KCNQ1: variants seen among roughly 807,000 people sequenced by gnomAD.
KCNQ1 encodes the protein potassium voltage-gated channel subfamily KQT member 1.
A neutral mutation model predicts 72.4 loss-of-function variants in KCNQ1; 49 were observed. The observed-to-expected ratio is 0.68, with a 90% confidence interval of 0.54 to 0.86. The LOEUF is 0.86. Ranked by LOEUF, KCNQ1 falls within the 40% of genes least tolerant of loss-of-function variation. KCNQ1 has a pLI of 0.00. For synonymous variants in KCNQ1, 450 were observed against 412.6 expected, an observed-to-expected ratio of 1.09 and a Z score of -1.10; for missense variants, 790 against 945.1, an observed-to-expected ratio of 0.84 and a Z score of 2.15.
At chr11:2,832,189 C>T (rs538184279) in intron 15 of KCNQ1, among the ~76,000 whole-genome samples, 1 of 152,336 alleles carries the variant, frequency 6.6e-6, no homozygotes, top group East Asian at 1.9e-4. Flanking sequence ...GAGGGAAGGC[C>T]TGGCCCCTCA....
intron 13 of KCNQ1, 72 bp downstream of exon 13, chr11:2,776,126 C>T (rs923406233): frequency 1.5e-5 from 20 of 1,313,728 alleles, no homozygotes; most frequent in Middle Eastern, 2.5e-4. Flanking sequence ...GCATGATCAG[C>T]GGTGCCGGAG....
rs1224278329 is a variant in KCNQ1, at chr11:2,745,235, A to G, written c.1515-23609A>G. ...CTCGAATTTGCAGGTTAAATTTGGG[A>G]AAAACTGGAGTCTCTCTCATGTTGC... is the stretch of plus-strand genomic sequence containing the variant. On this transcript the variant is annotated intron_variant, in intron 11 of 15. Coordinates refer to ENST00000155840, the MANE Select transcript of KCNQ1 (RefSeq NM_000218.3). This position sits in a 1 kb window ranked among gnomAD's most constrained non-coding sequence, Gnocchi z 6.2. 1.3e-5 allele frequency among the ~76,000 whole-genome samples: 2 copies of G among 152,180 alleles called. No individual in the cohort carries two copies. Among genetic ancestry groups the G allele is most frequent in the African/African-American group, 4.8e-5 (2 of 41,448 alleles).
rs1287609587 is a variant in KCNQ1, at chr11:2,447,226, C to T, written c.386+1742C>T. Among the ~76,000 whole-genome samples the T allele has an allele frequency of 6.6e-6, 1 of 152,134 alleles. No homozygotes were observed. The highest frequency in any genetic ancestry group is 1.5e-5 in the Non-Finnish European group (1 of 68,026). ...GGATTGTTTAGGTCTCGGAAGTTTG[C>T]TCAGCAAGAGTCTACCTTCGCCCAG... On this transcript the variant is annotated intron_variant, in intron 1 of 15. Transcript: ENST00000155840. The surrounding 1 kb of genome is among the most constrained non-coding windows in gnomAD (Gnocchi z 7.6).
chr11:2,602,746 T>C lies in KCNQ1; in HGVS notation c.1393+13892T>C, dbSNP rs1402260160. ...CTATGCAGTGAAATTCTTGTTGATA[T>C]CATTTTTCCATTTCCCAATTAGACT... is the stretch of plus-strand genomic sequence containing the variant. On this transcript the variant is annotated intron_variant, in intron 10 of 15. Transcript: ENST00000155840. The surrounding 1 kb of genome is among the most constrained non-coding windows in gnomAD (Gnocchi z 4.8). 1.3e-5 allele frequency among the ~76,000 whole-genome samples: 2 copies of C among 152,228 alleles called. No individual in the cohort carries two copies. Among genetic ancestry groups the C allele is most frequent in the African/African-American group, 4.8e-5 (2 of 41,462 alleles).
intron 10 of KCNQ1, chr11:2,637,021 CG>C (rs1849481271): frequency 6.6e-6 from 1 of 152,036 alleles, no homozygotes; most frequent in Admixed American, 6.6e-5. Flanking sequence ...TCTGTGGGAT[CG>C]GTGGTGATAT....
At chr11:2,569,426 A>G (rs1488695060) in intron 2 of KCNQ1, among the ~76,000 whole-genome samples, 2 of 152,208 alleles carry the variant, frequency 1.3e-5, no homozygotes, top group Admixed American at 6.5e-5. Context: ...TGTCCAGCTG[A>G]CTGCTCATAG....
At position 2,562,030 on chromosome 11, in the gene KCNQ1, AG is replaced by A. The variant is rs1848175610; in HGVS notation, c.478-8594del. Among the ~76,000 whole-genome samples the A allele has an allele frequency of 6.6e-6, 1 of 152,066 alleles. No homozygotes were observed. The highest frequency in any genetic ancestry group is 2.1e-4 in the South Asian group (1 of 4,824). ...ACACTAAGGGGACACTTGGCAGGGG[AG>A]GGGCTGTGGCAGGGCAGGGTCATGT... is the stretch of plus-strand genomic sequence containing the variant. On this transcript the variant is annotated intron_variant, in intron 2 of 15. Coordinates refer to ENST00000155840, the MANE Select transcript of KCNQ1 (RefSeq NM_000218.3). The surrounding 1 kb of genome is among the most constrained non-coding windows in gnomAD (Gnocchi z 7.5).
intron 11 of KCNQ1, among the ~76,000 whole-genome samples, chr11:2,705,384 G>A (rs984090688): frequency 2.0e-5 from 3 of 152,108 alleles, no homozygotes; most frequent in Non-Finnish European, 2.9e-5. Context: ...TTGATTAGCC[G>A]AACCCAACTC....
At chr11:2,689,200 C>A in intron 11 of KCNQ1, 2 of 398,826 alleles carry the variant, frequency 5.0e-6, no homozygotes, top group Non-Finnish European at 8.8e-6. Context: ...AACAGCTCAG[C>A]TTGCTGACTT....
intron 1 of KCNQ1, among the ~76,000 whole-genome samples, chr11:2,470,873 T>G (rs1460620192): frequency 1.3e-5 from 2 of 152,172 alleles, no homozygotes; most frequent in Non-Finnish European, 2.9e-5. Flanking sequence ...ACTTGTTCCC[T>G]TATGGATTGT....
chr11:2,661,851 A>G lies in KCNQ1; in HGVS notation c.1394-110A>G. The G allele has an allele frequency of 7.2e-7, 1 of 1,386,274 alleles. No homozygotes were observed. The allele number at this position is 1,386,274 out of a possible 1,614,324, so 85.9% of individuals were successfully genotyped here. Reference sequence around the variant, plus strand: ...ACTGATTGTCAGGGCTGGAGCTTCCAGGCACAAGCTCCACTCCTCACCTGG... The same window carrying G: ...ACTGATTGTCAGGGCTGGAGCTTCCGGGCACAAGCTCCACTCCTCACCTGG... On this transcript the variant is annotated intron_variant, in intron 10 of 15. Transcript: ENST00000155840. This position sits in a 1 kb window ranked among gnomAD's most constrained non-coding sequence, Gnocchi z 5.9.
intron 11 of KCNQ1, chr11:2,686,576 A>G (rs1356538274): frequency 5.0e-6 from 2 of 398,558 alleles, no homozygotes; most frequent in African/African-American, 4.1e-5. Context: ...AGCTGTGGTG[A>G]CTAGAATGGC....
In KCNQ1 at chr11:2,536,768, C is replaced by A. The variant is rs1379798466; in HGVS notation, c.477+8750C>A. ...TCGACCTGGGCTGCGTGATGGGGGACCCCAGGCTGGGCGGCTTAAACCGTG... is the reference window on the plus strand; with the variant it reads ...TCGACCTGGGCTGCGTGATGGGGGAACCCAGGCTGGGCGGCTTAAACCGTG... On this transcript the variant is annotated intron_variant, in intron 2 of 15. Coordinates refer to ENST00000155840, the MANE Select transcript of KCNQ1 (RefSeq NM_000218.3). This position sits in a 1 kb window ranked among gnomAD's most constrained non-coding sequence, Gnocchi z 7.4. Among the ~76,000 whole-genome samples the A allele has an allele frequency of 6.6e-6, 1 of 150,884 alleles. No homozygotes were observed. The highest frequency in any genetic ancestry group is 6.6e-5 in the Admixed American group (1 of 15,236).
intron 10 of KCNQ1, chr11:2,637,168 T>G (rs1452276025): frequency 1.3e-5 from 2 of 152,180 alleles, no homozygotes; most frequent in African/African-American, 4.8e-5. Flanking sequence ...GGGTTTTTTG[T>G]GTCTCTATCT....
rs374665941 is a variant in KCNQ1, at chr11:2,713,108, T to C, written c.1514+51027T>C. Among the ~76,000 whole-genome samples the C allele has an allele frequency of 1.2e-4, 18 of 152,072 alleles. No homozygotes were observed. The highest frequency in any genetic ancestry group is 1.2e-3 in the East Asian group (6 of 5,184). On this transcript the variant is annotated intron_variant, in intron 11 of 15. Coordinates refer to ENST00000155840, the MANE Select transcript of KCNQ1 (RefSeq NM_000218.3). This position sits in a 1 kb window ranked among gnomAD's most constrained non-coding sequence, Gnocchi z 5.6. The stretch of plus-strand genomic sequence containing the variant: ...GTGAAGCATTTGGTATTTGGGGGAT[T>C]TTACATTAGGGTTAATGAGCCTCTG...
At position 2,691,558 on chromosome 11, in the gene KCNQ1, T is replaced by C; in HGVS notation, c.1514+29477T>C. Reference sequence around the variant, plus strand: ...GGGGGATTTCTCTATCCTGAGGTTATGAAATACCTCAGCAAGGACGAGGCC... The same window carrying C: ...GGGGGATTTCTCTATCCTGAGGTTACGAAATACCTCAGCAAGGACGAGGCC... On this transcript the variant is annotated intron_variant, in intron 11 of 15. Coordinates refer to ENST00000155840, the MANE Select transcript of KCNQ1 (RefSeq NM_000218.3). This position sits in a 1 kb window ranked among gnomAD's most constrained non-coding sequence, Gnocchi z 6.4. 2.5e-6 allele frequency: 1 copy of C among 398,614 alleles called. No individual in the cohort carries two copies. The highest frequency in any genetic ancestry group is 4.4e-6 in the Non-Finnish European group (1 of 226,060). 24.7% of individuals were successfully genotyped at this position (398,614 alleles called of 1,614,324 possible).
In KCNQ1 at chr11:2,651,932, C is replaced by G. The variant is rs928319164; in HGVS notation, c.1394-10029C>G. The G allele has an allele frequency of 1.3e-5, 5 of 398,620 alleles. No individual in the cohort carries two copies. The highest frequency in any genetic ancestry group is 8.2e-5 in the African/African-American group (4 of 48,636). 24.7% of individuals were successfully genotyped at this position (398,620 alleles called of 1,614,324 possible). A position where few individuals can be genotyped will look rare whatever the true frequency, so the allele number is the denominator to read the frequency against. On this transcript the variant is annotated intron_variant, in intron 10 of 15. Transcript: ENST00000155840. This position sits in a 1 kb window ranked among gnomAD's most constrained non-coding sequence, Gnocchi z 6.1. Reference sequence around the variant, plus strand: ...GGGCCGCTTGCTCTCCTCCTACTCACAGCCCTCCTGCAGCCAGCAGCAGTG... The same window carrying G: ...GGGCCGCTTGCTCTCCTCCTACTCAGAGCCCTCCTGCAGCCAGCAGCAGTG...
At chr11:2,811,620 C>T (rs1847487313) in intron 15 of KCNQ1, among the ~76,000 whole-genome samples, 1 of 152,248 alleles carries the variant, frequency 6.6e-6, no homozygotes, top group African/African-American at 2.4e-5. Flanking sequence ...GATCGTCCTC[C>T]TTCTGGGCTG....
At chr11:2,761,593 T>C (rs1336621691) in intron 11 of KCNQ1, among the ~76,000 whole-genome samples, 1 of 152,116 alleles carries the variant, frequency 6.6e-6, no homozygotes, top group Non-Finnish European at 1.5e-5. Flanking sequence ...CCCTCTTCCG[T>C]ATCACTACCA....
Sources: gnomAD v4.1 joint callset for allele counts (sites outside exome capture counted in the v4.1 genomes callset) on GRCh38, gnomAD v4.1.1 for gene constraint, Gnocchi (gnomAD v3.1) non-coding constraint, MANE v1.5 for transcripts, NCBI Gene and HGNC (gene_info 2026-07-23, HGNC 2026-07-21) for gene names.